Variants in ARHGAP10 observed in about 807,000 individuals in gnomAD.
The protein encoded by ARHGAP10 is Rho GTPase activating protein 10.
In ARHGAP10, 87 loss-of-function variants were observed where a neutral mutation model predicts 108.6. The observed-to-expected ratio is 0.80, with a 90% CI of 0.67 to 0.96. The LOEUF is 0.96. Among genes scored for constraint, ARHGAP10 ranks in the 40% least tolerant of loss-of-function variants. The pLI is 0.00. For missense variants in ARHGAP10, 939 were observed against 954.5 expected (o/e 0.98, Z 0.21); for synonymous variants, 347 against 341.1 (o/e 1.02, Z -0.19).
At chr4:147,909,861 G>A in intron 12 of ARHGAP10, 84 bp downstream of exon 12, 2 of 1,347,110 alleles carry the variant, frequency 1.5e-6, no homozygotes, top group Non-Finnish European at 2.1e-6. Context: ...GCTGTTGCTG[G>A]GAGCTTACTC....
chr4:147,943,689 G>A (rs749111170), intron 14 of ARHGAP10, among the ~76,000 whole-genome samples: 1 of 152,198 alleles, frequency 6.6e-6, no homozygotes, highest in Non-Finnish European at 1.5e-5. Flanking sequence ...CAGAAAGGAA[G>A]CAAATTGTTT....
intron 5 of ARHGAP10, chr4:147,863,484 T>C (rs1175522889): frequency 6.6e-6 from 1 of 152,238 alleles, no homozygotes; most frequent in Non-Finnish European, 1.5e-5. Flanking sequence ...GGCTACATTT[T>C]ATTTACTCAT....
chr4:147,771,952 C>T (rs1364351665), intron 1 of ARHGAP10, among the ~76,000 whole-genome samples: 1 of 152,142 alleles, frequency 6.6e-6, no homozygotes, highest in Non-Finnish European at 1.5e-5. Flanking sequence ...CCACCACGCC[C>T]AGCTAATTTT....
chr4:147,879,105 T>C, intron 8 of ARHGAP10, 127 bp from the exon 9 acceptor site: 1 of 679,868 alleles, frequency 1.5e-6, no homozygotes. Flanking sequence ...GTATTGCTGA[T>C]TTGTTTCATT....
Position 147,764,680 on chromosome 4 carries a change from G to A in ARHGAP10, c.154+32225G>A, listed in dbSNP as rs949000604. 3.9e-5 allele frequency among the ~76,000 whole-genome samples: 6 copies of A among 151,976 alleles called. No individual in the cohort carries two copies. The East Asian group carries it at 9.7e-4, about 24-fold the overall frequency. On this transcript the variant is annotated intron_variant, in intron 1 of 22. Transcript: ENST00000336498. ...TCCCAAGTAGCTGGGGTTTATAGGCGTGCACCACCATGCCCAGCTGACTTT... is the reference window on the plus strand; with the variant it reads ...TCCCAAGTAGCTGGGGTTTATAGGCATGCACCACCATGCCCAGCTGACTTT...
intron 18 of ARHGAP10, among the ~76,000 whole-genome samples, chr4:147,995,959 C>T (rs992851521): frequency 1.3e-5 from 2 of 152,164 alleles, no homozygotes; most frequent in South Asian, 2.1e-4. Context: ...CCTCGTGATC[C>T]GCCTGCCTCA....
At chr4:147,907,652 G>A (rs1163067488) in intron 11 of ARHGAP10, among the ~76,000 whole-genome samples, 5 of 152,176 alleles carry the variant, frequency 3.3e-5, no homozygotes, top group African/African-American at 9.6e-5. Flanking sequence ...AGAGAGCAAG[G>A]AGGCTGATCA....
At chr4:147,813,328 GCT>G (rs1170968336) in intron 1 of ARHGAP10, among the ~76,000 whole-genome samples, 5 of 152,196 alleles carry the variant, frequency 3.3e-5, no homozygotes, top group African/African-American at 1.2e-4. Flanking sequence ...TGGGGAGAAA[GCT>G]CTCTGAGGAC....
chr4:147,733,615 G>A (rs1728311534), intron 1 of ARHGAP10, among the ~76,000 whole-genome samples: 1 of 152,070 alleles, frequency 6.6e-6, no homozygotes, highest in Non-Finnish European at 1.5e-5. Context: ...CTGTTCTCCC[G>A]ACCGCGCCCC....
chr4:147,798,828 C>A (rs1731460175), intron 1 of ARHGAP10, among the ~76,000 whole-genome samples: 2 of 133,644 alleles, frequency 1.5e-5, no homozygotes, highest in East Asian at 2.2e-4. Flanking sequence ...GACTTTTTAC[C>A]CCCCCACGCT....
chr4:148,062,994 T>C (rs781213669), intron 20 of ARHGAP10, among the ~76,000 whole-genome samples, 154 bp from the exon 21 acceptor site: 51 of 152,156 alleles, frequency 3.4e-4, no homozygotes, highest in Non-Finnish European at 1.3e-4. Flanking sequence ...TAGTTTGGGC[T>C]GCAGCCCCGG....
intron 18 of ARHGAP10, among the ~76,000 whole-genome samples, chr4:147,997,666 T>A (rs1445485437): frequency 5.3e-5 from 8 of 152,118 alleles, no homozygotes; most frequent in African/African-American, 1.9e-4. Context: ...ACAACAGAAT[T>A]TTTTTTGTCA....
intron 16 of ARHGAP10, among the ~76,000 whole-genome samples, chr4:147,964,294 A>G (rs1049063814): frequency 6.6e-6 from 1 of 151,996 alleles, no homozygotes; most frequent in African/African-American, 2.4e-5. Flanking sequence ...AATAATTTAA[A>G]CCAGCCGGTC....
chr4:147,854,976 G>A (rs1734028737), intron 4 of ARHGAP10: 1 of 611,962 alleles, frequency 1.6e-6, no homozygotes, highest in African/African-American at 2.0e-5. Flanking sequence ...AGTGTGCTGG[G>A]TGTTTTGACC....
intron 1 of ARHGAP10, among the ~76,000 whole-genome samples, chr4:147,773,222 G>T (rs921412657): frequency 2.0e-5 from 3 of 152,162 alleles, no homozygotes; most frequent in African/African-American, 7.2e-5. Context: ...TTAATGTGAC[G>T]TTACTTTCAT....
At position 147,773,463 on chromosome 4, in the gene ARHGAP10, C is replaced by T. The variant is rs576367921; in HGVS notation, c.154+41008C>T. Among the ~76,000 whole-genome samples, 11 of 152,290 alleles carry T rather than the reference C, an allele frequency of 7.2e-5. No homozygotes were observed. The South Asian group carries it at 2.1e-3, about 29-fold the overall frequency. ...TGGAAGGCTCTGTGTTTTAGGATTA[C>T]AGCTGCCCAGAGACAGCTTGGGAAA... On this transcript the variant is annotated intron_variant, in intron 1 of 22. Transcript: ENST00000336498.
intron 5 of ARHGAP10, chr4:147,860,988 C>T (rs566707325): frequency 6.6e-6 from 1 of 152,344 alleles, no homozygotes; most frequent in South Asian, 2.1e-4. Context: ...TTTAGGATGT[C>T]TCTTTTCCAG....
intron 3 of ARHGAP10, among the ~76,000 whole-genome samples, chr4:147,839,198 T>C (rs1200972798): frequency 6.6e-6 from 1 of 152,160 alleles, no homozygotes; most frequent in African/African-American, 2.4e-5. Context: ...AAGATTCCGT[T>C]TCAAGGAAAA....
intron 1 of ARHGAP10, among the ~76,000 whole-genome samples, chr4:147,796,394 C>T (rs868515609): frequency 9.2e-5 from 14 of 152,056 alleles, no homozygotes; most frequent in Admixed American, 4.6e-4. Flanking sequence ...GAAGGAGACA[C>T]CTGGGAGGTT....
Sources: gnomAD v4.1 joint callset for allele counts (sites outside exome capture counted in the v4.1 genomes callset) on GRCh38, gnomAD v4.1.1 for gene constraint, MANE v1.5 for transcripts, NCBI Gene and HGNC (gene_info 2026-07-23, HGNC 2026-07-21) for gene names.